The following ZNF75D variants were observed in gnomAD, a reference collection of about 807,000 sequenced individuals.
ZNF75D encodes zinc finger protein 75D.
Under a neutral mutation model 33.3 loss-of-function variants are expected in ZNF75D, and 33 were observed. The observed-to-expected ratio is 0.99, with a 90% CI of 0.75 to 1.32. The LOEUF is 1.32. Ranked by LOEUF, ZNF75D falls within the 40% of genes most tolerant of loss-of-function variation. The pLI, the probability that ZNF75D is intolerant of heterozygous loss-of-function variation, is 0.00. For missense variants in ZNF75D, 338 were observed against 367.5 expected, an observed-to-expected ratio of 0.92 and a Z score of 0.66; for synonymous variants, 113 against 130.6, an observed-to-expected ratio of 0.87 and a Z score of 0.92.
At chrX:135,285,435 A>G (rs1189087799), downstream of ZNF75D, among the ~76,000 whole-genome samples, 1 of 112,631 alleles carries the variant, frequency 8.9e-6, no homozygotes, top group Non-Finnish European at 1.9e-5. Flanking sequence ...ATGTCATGCC[A>G]GAAGGCTACC....
intron 1 of ZNF75D, among the ~76,000 whole-genome samples, chrX:135,335,491 T>G (rs1556442137): frequency 1.8e-5 from 2 of 111,141 alleles, no homozygotes; most frequent in Non-Finnish European, 3.8e-5. Context: ...TGTCCCTACC[T>G]CACAGCTATG....
At chrX:135,293,470 T>G (rs1369873180) in intron 3 of ZNF75D, among the ~76,000 whole-genome samples, 1 of 111,628 alleles carries the variant, frequency 9.0e-6, no homozygotes, top group African/African-American at 3.3e-5. Flanking sequence ...CATGCCAGAC[T>G]AGGCCCACCA....
intron 5 of ZNF75D, 135 bp from the exon 6 acceptor site, chrX:135,291,270 CAGAA>C: frequency 1.1e-6 from 1 of 886,486 alleles, no homozygotes. Flanking sequence ...AGTGAGAAGG[CAGAA>C]AGGAAGGAGC....
chrX:135,337,840 G>C (rs1207211741), intron 1 of ZNF75D, among the ~76,000 whole-genome samples: 1 of 111,316 alleles, frequency 9.0e-6, no homozygotes, highest in African/African-American at 3.3e-5. Context: ...GAGGGCGTCA[G>C]CTCTAGACTC....
At chrX:135,282,768 C>G (rs782413299), downstream of ZNF75D, among the ~76,000 whole-genome samples, 2 of 109,905 alleles carry the variant, frequency 1.8e-5, no homozygotes, top group Non-Finnish European at 3.8e-5. Flanking sequence ...TTGTACTTCC[C>G]GGGTAAGGTG....
intron 1 of ZNF75D, among the ~76,000 whole-genome samples, chrX:135,258,665 C>G (rs370834411): frequency 1.8e-5 from 2 of 111,172 alleles, no homozygotes; most frequent in South Asian, 3.8e-4. Context: ...TTGCAAATTT[C>G]TTTGAGTTCT....
intron 1 of ZNF75D, among the ~76,000 whole-genome samples, chrX:135,335,005 T>C (rs1260393271): frequency 9.0e-6 from 1 of 110,699 alleles, no homozygotes; most frequent in Non-Finnish European, 1.9e-5. Context: ...GGCAGCACCT[T>C]CCAAATCCTC....
chrX:135,326,916 C>T (rs181777747), intron 1 of ZNF75D, among the ~76,000 whole-genome samples: 3 of 112,774 alleles, frequency 2.7e-5, no homozygotes, highest in East Asian at 2.8e-4. Flanking sequence ...ATAACACTCA[C>T]CGCGAGAGTC....
At chrX:135,322,187 C>A (rs782009626) in intron 1 of ZNF75D, among the ~76,000 whole-genome samples, 10 of 112,252 alleles carry the variant, frequency 8.9e-5, no homozygotes, top group Middle Eastern at 4.6e-3. Flanking sequence ...GTACTTTATT[C>A]ATCCATTGTT....
At position 135,271,704 on chromosome X, in the gene ZNF75D, G is replaced by A. The variant is rs781792577; in HGVS notation, n.828-15927C>T. Among the ~76,000 whole-genome samples the A allele has an allele frequency of 3.6e-5, 4 of 111,877 alleles. No homozygotes were observed. The South Asian group carries it at 1.5e-3, about 42-fold the overall frequency. ...TCCATACTCTAAATAACTCCAGATG[G>A]CTGAACACATATTACCCATCACTGA... On this transcript the variant is annotated intron_variant and non_coding_transcript_variant, in intron 1 of 3. Transcript: ENST00000494295.
In ZNF75D at chrX:135,270,652, T is replaced by C. The variant is rs2083879937; in HGVS notation, n.828-14875A>G. On this transcript the variant is annotated intron_variant and non_coding_transcript_variant, in intron 1 of 3. Coordinates refer to the ZNF75D transcript ENST00000494295. Reference sequence around the variant, plus strand: ...ATATTACAGCTGGACATGGGAGTGCTAGGTGGTGCCATACTAAATCCCTTT... The same window carrying C: ...ATATTACAGCTGGACATGGGAGTGCCAGGTGGTGCCATACTAAATCCCTTT... Among the ~76,000 whole-genome samples the C allele has an allele frequency of 5.5e-5, 6 of 109,090 alleles. No homozygotes were observed. In the South Asian group the frequency reaches 2.4e-3, roughly 43 times the overall value. 94.7% of individuals were successfully genotyped at this position (109,090 alleles called of 115,157 possible).
chrX:135,325,996 C>T (rs1373910809), intron 1 of ZNF75D, among the ~76,000 whole-genome samples: 5 of 110,641 alleles, frequency 4.5e-5, no homozygotes, highest in South Asian at 3.8e-4. Context: ...CTGTGTCTAG[C>T]TCAGGGTTTG....
At chrX:135,282,625 C>T (rs1556418706), downstream of ZNF75D, among the ~76,000 whole-genome samples, 1 of 111,860 alleles carries the variant, frequency 8.9e-6, no homozygotes, top group African/African-American at 3.3e-5. Flanking sequence ...GCATAGGCAC[C>T]TGAGGGAATC....
In ZNF75D at chrX:135,286,192, G is replaced by C. The variant is rs1556419350; in HGVS notation, c.*945C>G. 1.8e-5 allele frequency: 2 copies of C among 111,764 alleles called. No individual in the cohort carries two copies. The highest frequency in any genetic ancestry group is 6.5e-5 in the African/African-American group (2 of 30,686). 9.2% of individuals were successfully genotyped at this position (111,764 alleles called of 1,213,427 possible). Reference sequence around the variant, plus strand: ...TTGCCATTCTCAATAAATCAGTTTTGCAAAATCTCCAGGCCTTCTTGCAGA... The same window carrying C: ...TTGCCATTCTCAATAAATCAGTTTTCCAAAATCTCCAGGCCTTCTTGCAGA... On this transcript the variant is annotated 3_prime_UTR_variant, in exon 7 of 7. Transcript: ENST00000370766.
intron 1 of ZNF75D, among the ~76,000 whole-genome samples, chrX:135,275,166 C>T (rs899444720): frequency 8.9e-6 from 1 of 111,994 alleles, no homozygotes; most frequent in East Asian, 2.8e-4. Flanking sequence ...AGAGAATTGG[C>T]GAATTAACAT....
intron 6 of ZNF75D, among the ~76,000 whole-genome samples, chrX:135,288,936 CTGTTT>C (rs1393642635): frequency 1.8e-5 from 2 of 111,973 alleles, no homozygotes; most frequent in Admixed American, 1.9e-4. Flanking sequence ...TTAAGGTTTT[CTGTTT>C]TGTTTTGTTT....
intron 1 of ZNF75D, among the ~76,000 whole-genome samples, chrX:135,320,180 C>A (rs1404224888): frequency 9.1e-6 from 1 of 109,705 alleles, no homozygotes; most frequent in Non-Finnish European, 1.9e-5. Context: ...GTAATCCCAG[C>A]TACTTGAAAA....
At chrX:135,257,778 C>T (rs1367353318) in intron 1 of ZNF75D, among the ~76,000 whole-genome samples, 3 of 112,240 alleles carry the variant, frequency 2.7e-5, no homozygotes, top group Admixed American at 9.4e-5. Flanking sequence ...GAGGTCTCCG[C>T]ATGGCAATCC....
At chrX:135,263,751 C>T (rs781976389) in intron 1 of ZNF75D, among the ~76,000 whole-genome samples, 9 of 112,698 alleles carry the variant, frequency 8.0e-5, no homozygotes, top group Non-Finnish European at 1.7e-4. Flanking sequence ...AAAAGGAAAT[C>T]CCCTGACCCC....
Sources: allele counts gnomAD v4.1 joint callset (sites outside exome capture counted in the v4.1 genomes callset), GRCh38; gene constraint gnomAD v4.1.1; transcripts MANE v1.5; gene names NCBI Gene and HGNC (gene_info 2026-07-23, HGNC 2026-07-21).